Variants in PHF20 observed in about 807,000 individuals in gnomAD.
The protein encoded by PHF20 is glioma-expressed antigen 2.
In PHF20, 23 loss-of-function variants were observed where a neutral mutation model predicts 113.5. The ratio of observed to expected loss-of-function variants is 0.20; its 90% CI spans 0.15 to 0.29. The LOEUF (loss-of-function observed/expected upper bound fraction) is 0.29, where lower values mean the gene tolerates loss of function less well. Among genes scored for constraint, PHF20 ranks in the 10% least tolerant of loss-of-function variants. The pLI, the probability that PHF20 is intolerant of heterozygous loss-of-function variation, is 1.00. For missense variants in PHF20, 943 were observed against 1,219.6 expected (o/e 0.77, Z 3.38); for synonymous variants, 434 against 457.3 (o/e 0.95, Z 0.65).
Position 35,831,279 on chromosome 20 carries a change from C to T in PHF20, c.84-11294C>T, listed in dbSNP as rs542047182. Among the ~76,000 whole-genome samples, 19 of 152,170 alleles carry T rather than the reference C, an allele frequency of 1.2e-4. No homozygotes were observed. The South Asian group carries it at 2.1e-3, about 17-fold the overall frequency. ...GGCTCCAGTGATCCTCTCACCTCAGCCTCTTGAGTAACTGGGACTACAGGC... is the reference window on the plus strand; with the variant it reads ...GGCTCCAGTGATCCTCTCACCTCAGTCTCTTGAGTAACTGGGACTACAGGC... On this transcript the variant is annotated intron_variant, in intron 2 of 17. Transcript: ENST00000374012.
rs548908676 is a variant in PHF20, at chr20:35,938,360, A to G, written c.2301-337A>G. The stretch of plus-strand genomic sequence containing the variant: ...CTTAGAATTTTATTTTTGGTTTACA[A>G]TAGCAGACAGATCAGACAGATAATT... On this transcript the variant is annotated intron_variant, in intron 15 of 17. Transcript: ENST00000374012. Among the ~76,000 whole-genome samples, 13 of 152,248 alleles carry G rather than the reference A, an allele frequency of 8.5e-5. No homozygotes were observed. In the South Asian group the frequency reaches 1.0e-3, roughly 12 times the overall value.
chr20:35,882,408 G>A (rs1361451028), intron 9 of PHF20, among the ~76,000 whole-genome samples: 1 of 152,142 alleles, frequency 6.6e-6, no homozygotes, highest in Non-Finnish European at 1.5e-5. Flanking sequence ...GTAATGTGAT[G>A]GGTAATATTT....
intron 1 of PHF20, among the ~76,000 whole-genome samples, chr20:35,794,498 T>C (rs2041629291): frequency 1.3e-5 from 2 of 152,244 alleles, no homozygotes; most frequent in South Asian, 4.1e-4. Context: ...GTCTTTCACC[T>C]GAAGTGTCCC....
chr20:35,869,650 G>T, intron 7 of PHF20, 99 bp downstream of exon 7: 1 of 735,328 alleles, frequency 1.4e-6, no homozygotes, highest in Non-Finnish European at 2.4e-6. Flanking sequence ...AGGCTCTAAT[G>T]TTTGTCTCTG....
intron 2 of PHF20, chr20:35,838,537 G>T (rs896828860): frequency 6.6e-6 from 1 of 151,930 alleles, no homozygotes; most frequent in African/African-American, 2.4e-5. Flanking sequence ...ACATTTCTTA[G>T]AAATCTTTTA....
rs1600727113 is a variant in PHF20, at chr20:35,786,246, T to C, written c.-33+14167T>C. 2.1e-5 allele frequency among the ~76,000 whole-genome samples: 3 copies of C among 145,460 alleles called. No individual in the cohort carries two copies. In the South Asian group the frequency reaches 6.7e-4, roughly 32 times the overall value. On this transcript the variant is annotated intron_variant, in intron 1 of 17. Coordinates refer to ENST00000374012, the MANE Select transcript of PHF20 (RefSeq NM_016436.5). ...TACTAAAAATACAAAAAAAAATTAG[T>C]TGGGTGTGGTGGCGTGTGCCTGTAA...
At chr20:35,896,376 A>T (rs976151442) in intron 9 of PHF20, among the ~76,000 whole-genome samples, 2 of 152,054 alleles carry the variant, frequency 1.3e-5, no homozygotes, top group Admixed American at 1.3e-4. Flanking sequence ...CGAATTCCTA[A>T]TTTTTTAAAA....
At position 35,831,578 on chromosome 20, in the gene PHF20, C is replaced by T. The variant is rs2042359477; in HGVS notation, c.84-10995C>T. Among the ~76,000 whole-genome samples, 4 of 152,174 alleles carry T rather than the reference C, an allele frequency of 2.6e-5. No homozygotes were observed. In the South Asian group the frequency reaches 8.3e-4, roughly 31 times the overall value. On this transcript the variant is annotated intron_variant, in intron 2 of 17. Transcript: ENST00000374012. The stretch of plus-strand genomic sequence containing the variant: ...CTCTTGGGCTCAAGTGATCCCCCAA[C>T]TCCAACCTCTTAAGTAGCTAGGACT...
intron 2 of PHF20, among the ~76,000 whole-genome samples, chr20:35,819,959 G>A (rs1392549081): frequency 6.6e-6 from 1 of 152,136 alleles, no homozygotes; most frequent in African/African-American, 2.4e-5. Context: ...TCCTTTAGAT[G>A]CTATGAAGGG....
chr20:35,857,234 G>T (rs763412841), intron 4 of PHF20, among the ~76,000 whole-genome samples: 1 of 152,170 alleles, frequency 6.6e-6, no homozygotes, highest in Non-Finnish European at 1.5e-5. Context: ...GGCATGAATT[G>T]GCTCTAAGAT....
chr20:35,803,013 G>A (rs1199805148), intron 2 of PHF20, among the ~76,000 whole-genome samples: 5 of 151,182 alleles, frequency 3.3e-5, no homozygotes, highest in African/African-American at 1.2e-4. Flanking sequence ...CAGCACTTTG[G>A]GAGGCTGAGG....
chr20:35,917,752 C>A, intron 13 of PHF20, 90 bp downstream of exon 13: 1 of 1,109,902 alleles, frequency 9.0e-7, no homozygotes, highest in Non-Finnish European at 1.3e-6. Flanking sequence ...CAAGTCATAG[C>A]AGAGCCCCAG....
chr20:35,798,900 T>C (rs2041722530), intron 1 of PHF20, among the ~76,000 whole-genome samples: 1 of 152,156 alleles, frequency 6.6e-6, no homozygotes, highest in Admixed American at 6.6e-5. Flanking sequence ...TAGCTGGGAT[T>C]ATAAGCCTGA....
intron 15 of PHF20, among the ~76,000 whole-genome samples, chr20:35,931,807 T>C (rs2055760248): frequency 1.3e-5 from 2 of 151,780 alleles, no homozygotes; most frequent in South Asian, 4.2e-4. Context: ...AAAAATTAGC[T>C]AGGCGTGCTG....
At chr20:35,800,882 G>A (rs911390356) in intron 1 of PHF20, among the ~76,000 whole-genome samples, 8 of 152,066 alleles carry the variant, frequency 5.3e-5, no homozygotes, top group Middle Eastern at 6.3e-3. Context: ...TAAGAGACGA[G>A]CGTTTGCTAT....
intron 13 of PHF20, among the ~76,000 whole-genome samples, chr20:35,926,268 C>T (rs1372986630): frequency 2.3e-4 from 25 of 108,862 alleles, no homozygotes; most frequent in Admixed American, 7.3e-4. Flanking sequence ...GACGGAGTCT[C>T]GCTCTGTGGC....
intron 2 of PHF20, chr20:35,838,312 AG>A (rs1403922806): frequency 1.3e-5 from 2 of 152,240 alleles, no homozygotes. Context: ...AATGTCCAAA[AG>A]GATATACAGC....
chr20:35,919,634 A>C (rs983708965), intron 13 of PHF20, among the ~76,000 whole-genome samples: 1 of 152,164 alleles, frequency 6.6e-6, no homozygotes, highest in Non-Finnish European at 1.5e-5. Context: ...ATATACAGTT[A>C]CATTTTTTCC....
At chr20:35,847,090 C>T (rs1204694958) in intron 3 of PHF20, among the ~76,000 whole-genome samples, 1 of 152,144 alleles carries the variant, frequency 6.6e-6, no homozygotes, top group Non-Finnish European at 1.5e-5. Context: ...GATCTGCTAC[C>T]ATGACCCAAA....
Sources: gnomAD v4.1 joint callset for allele counts (sites outside exome capture counted in the v4.1 genomes callset) on GRCh38, gnomAD v4.1.1 for gene constraint, MANE v1.5 for transcripts, NCBI Gene and HGNC (gene_info 2026-07-23, HGNC 2026-07-21) for gene names.